Variants in CDC42 observed in about 807,000 individuals in gnomAD.
CDC42 encodes the protein cell division cycle 42, also known as cell division control protein 42 homolog.
Under a neutral mutation model 20.8 loss-of-function variants are expected in CDC42, and 1 was observed. The ratio of observed to expected loss-of-function variants is 0.05; its 90% CI spans 0.02 to 0.23. CDC42 has a LOEUF of 0.23. Among genes scored for constraint, CDC42 ranks in the 10% least tolerant of loss-of-function variants. The probability of loss-of-function intolerance (pLI) is 1.00; values close to 1 mark genes in which losing one functional copy is unlikely to be tolerated. For synonymous variants in CDC42, 72 were observed against 84.8 expected (o/e 0.85, Z 0.83); for missense variants, 49 against 227.9 (o/e 0.21, Z 5.05).
chr1:22,066,983 A>G (rs1426281087), intron 1 of CDC42, among the ~76,000 whole-genome samples: 5 of 152,126 alleles, frequency 3.3e-5, no homozygotes, highest in Non-Finnish European at 7.4e-5. Flanking sequence ...AAATCGCTTG[A>G]ACCTGGGAGG....
chr1:22,069,170 C>CTTTTTTT (rs71724070), intron 1 of CDC42, among the ~76,000 whole-genome samples: 1 of 80,808 alleles, frequency 1.2e-5, no homozygotes, highest in Non-Finnish European at 2.3e-5. Context: ...CATTTTATTC[C>CTTTTTTT]TTTTTTTTTT....
chr1:22,091,379 A>G (rs1446801881), intron 5 of CDC42, 49 bp from the exon 6 acceptor site: 1 of 1,204,054 alleles, frequency 8.3e-7, no homozygotes, highest in Non-Finnish European at 1.2e-6. Flanking sequence ...CTCCAACTTT[A>G]TTATACTGAA....
chr1:22,054,167 T>C (rs1457385881), intron 1 of CDC42, among the ~76,000 whole-genome samples: 1 of 152,158 alleles, frequency 6.6e-6, no homozygotes, highest in Non-Finnish European at 1.5e-5. Context: ...AGCAAAAAAC[T>C]TAATATTTTC....
At chr1:22,061,982 A>C (rs1207078031) in intron 1 of CDC42, among the ~76,000 whole-genome samples, 3 of 152,064 alleles carry the variant, frequency 2.0e-5, no homozygotes, top group Admixed American at 1.3e-4. Flanking sequence ...TCTGTCACCC[A>C]GGCTGGAGTG....
At chr1:22,055,079 G>A (rs1000203554) in intron 1 of CDC42, among the ~76,000 whole-genome samples, 1 of 149,034 alleles carries the variant, frequency 6.7e-6, no homozygotes, top group Non-Finnish European at 1.5e-5. Flanking sequence ...TCAGCCTCCC[G>A]AACAGCTGGG....
At position 22,091,550 on chromosome 1, in the gene CDC42, T is replaced by C; in HGVS notation, c.*33T>C. On this transcript the variant is annotated 3_prime_UTR_variant, in exon 6 of 6. Transcript: ENST00000656825. The stretch of plus-strand genomic sequence containing the variant: ...TCCAGAGCCCTTTCTGCACAGCTGG[T>C]GTCGGCATCATACTAAAAGCAATGT... 6 of 1,390,438 alleles carry C rather than the reference T, an allele frequency of 4.3e-6. No homozygotes were observed. Among genetic ancestry groups the C allele is most frequent in the Non-Finnish European group, 6.0e-6 (6 of 994,330 alleles). The allele number at this position is 1,390,438 out of a possible 1,614,324, so 86.1% of individuals were successfully genotyped here.
At chr1:22,061,752 G>C (rs1036398312) in intron 1 of CDC42, among the ~76,000 whole-genome samples, 1 of 151,140 alleles carries the variant, frequency 6.6e-6, no homozygotes, top group African/African-American at 2.4e-5. Context: ...CTCCACTTTA[G>C]TGGAGACCGT....
chr1:22,098,958 C>T lies in CDC42; in HGVS notation c.*7441C>T, dbSNP rs1294734502. On this transcript the variant is annotated 3_prime_UTR_variant, in exon 6 of 6. Coordinates refer to ENST00000656825, the MANE Select transcript of CDC42 (RefSeq NM_001791.4). ...ATTTTGTGTAGAGAGGGGGTTTTGC[C>T]ATTTTACCCAGGCTGGTCTCGAACT... is the stretch of plus-strand genomic sequence containing the variant. Among the ~76,000 whole-genome samples, 2 of 152,078 alleles carry T rather than the reference C, an allele frequency of 1.3e-5. No homozygotes were observed. The highest frequency in any genetic ancestry group is 2.9e-5 in the Non-Finnish European group (2 of 68,018).
chr1:22,088,917 A>T (rs2268177), intron 5 of CDC42, among the ~76,000 whole-genome samples: 23,682 of 152,088 alleles, frequency 0.16, 2,721 homozygotes, highest in East Asian at 0.51. Context: ...TAAAGAATTT[A>T]CTGCTGTTTC....
intron 5 of CDC42, among the ~76,000 whole-genome samples, chr1:22,088,098 A>G (rs923555022): frequency 6.6e-6 from 1 of 152,218 alleles, no homozygotes; most frequent in African/African-American, 2.4e-5. Context: ...ACACCTTCTC[A>G]TGCATAGCAA....
Position 22,092,101 on chromosome 1 carries a change from T to C in CDC42, c.*584T>C, listed in dbSNP as rs1363624695. On this transcript the variant is annotated 3_prime_UTR_variant, in exon 6 of 6. Transcript: ENST00000656825. ...AGAAAACATGTTCCCCATCTGGTGC[T>C]CTTAGGAAGGAGTATAGTAAATGCC... 1 of 152,474 alleles carries C rather than the reference T, an allele frequency of 6.6e-6. No individual in the cohort carries two copies. Among genetic ancestry groups the C allele is most frequent in the East Asian group, 1.9e-4 (1 of 5,176 alleles). 9.4% of individuals were successfully genotyped at this position (152,474 alleles called of 1,614,324 possible). A position where few individuals can be genotyped will look rare whatever the true frequency, so the allele number is the denominator to read the frequency against.
At chr1:22,067,133 G>C (rs1193561523) in intron 1 of CDC42, among the ~76,000 whole-genome samples, 1 of 152,086 alleles carries the variant, frequency 6.6e-6, no homozygotes, top group Non-Finnish European at 1.5e-5. Context: ...GTTTGAGAAG[G>C]CAAGAAGAAG....
intron 1 of CDC42, among the ~76,000 whole-genome samples, chr1:22,054,218 G>T (rs1395865477): frequency 2.0e-5 from 3 of 151,872 alleles, no homozygotes; most frequent in Non-Finnish European, 2.9e-5. Context: ...TTGAGACAGG[G>T]TCTCAAAGAC....
intron 1 of CDC42, among the ~76,000 whole-genome samples, chr1:22,057,844 C>T (rs1011354204): frequency 6.6e-6 from 1 of 151,928 alleles, no homozygotes; most frequent in East Asian, 1.9e-4. Flanking sequence ...CTGCTTCGGC[C>T]TCCTGAGTAG....
intron 1 of CDC42, chr1:22,053,361 C>T (rs1026368230): frequency 4.6e-5 from 7 of 151,836 alleles, no homozygotes; most frequent in African/African-American, 1.5e-4. Context: ...TCCGAGCTCC[C>T]CTCCGCGCCG....
At chr1:22,089,957 T>C (rs781663378) in intron 5 of CDC42, 1 of 1,613,986 alleles carries the variant, frequency 6.2e-7, no homozygotes, top group South Asian at 1.1e-5. Flanking sequence ...GTCTGAAGAA[T>C]GTGTTTGATG....
chr1:22,057,746 C>G (rs1168993405), intron 1 of CDC42, among the ~76,000 whole-genome samples: 1 of 145,728 alleles, frequency 6.9e-6, no homozygotes, highest in Non-Finnish European at 1.5e-5. Context: ...TTTTTTGAGA[C>G]AGAGTCTCGC....
intron 1 of CDC42, chr1:22,059,471 T>C (rs1267094752): frequency 6.6e-6 from 1 of 152,230 alleles, no homozygotes; most frequent in Non-Finnish European, 1.5e-5. Flanking sequence ...GCTAAAATCA[T>C]ATTTCCAATT....
At chr1:22,068,162 A>G (rs1645444996) in intron 1 of CDC42, among the ~76,000 whole-genome samples, 1 of 152,178 alleles carries the variant, frequency 6.6e-6, no homozygotes, top group South Asian at 2.1e-4. Flanking sequence ...TTAGCAGAGG[A>G]TGTATGACAT....
Sources: allele counts gnomAD v4.1 joint callset (sites outside exome capture counted in the v4.1 genomes callset), GRCh38; gene constraint gnomAD v4.1.1; transcripts MANE v1.5; gene names NCBI Gene and HGNC (gene_info 2026-07-23, HGNC 2026-07-21).